Variants in NPAS3 observed in about 807,000 individuals in gnomAD.
The protein encoded by NPAS3 is neuronal PAS domain-containing protein 3.
NPAS3 carries 14 observed loss-of-function variants against 73.1 expected under a neutral mutation model. That is an observed-to-expected ratio of 0.19 (90% confidence interval 0.13 to 0.30). NPAS3 has a LOEUF of 0.30. Ranked by LOEUF, NPAS3 falls within the 10% of genes least tolerant of loss-of-function variation. NPAS3 has a pLI of 1.00. For missense variants in NPAS3, 1,096 were observed against 1,250.0 expected, an observed-to-expected ratio of 0.88 and a Z score of 1.86; for synonymous variants, 620 against 541.5, an observed-to-expected ratio of 1.14 and a Z score of -2.01.
intron 4 of NPAS3, among the ~76,000 whole-genome samples, chr14:33,462,116 T>C (rs569709431): frequency 6.6e-6 from 1 of 152,192 alleles, no homozygotes; most frequent in Non-Finnish European, 1.5e-5. Context: ...TACAGGAAGT[T>C]AGTCCACAAG....
intron 1 of NPAS3, among the ~76,000 whole-genome samples, chr14:32,976,247 C>T (rs2748829): frequency 0.14 from 21,431 of 152,034 alleles, 1,521 homozygotes; most frequent in East Asian, 0.16. Context: ...GTTAGGAAGA[C>T]GGCTCTCGCA....
At chr14:33,271,535 G>A (rs139110581) in intron 3 of NPAS3, among the ~76,000 whole-genome samples, 13 of 152,098 alleles carry the variant, frequency 8.5e-5, no homozygotes, top group Admixed American at 2.0e-4. Context: ...TATTGTTTTC[G>A]GAGCCCCAGG....
intron 7 of NPAS3, among the ~76,000 whole-genome samples, chr14:33,751,386 C>T (rs1156252560): frequency 6.6e-6 from 1 of 152,130 alleles, no homozygotes; most frequent in Admixed American, 6.6e-5. Flanking sequence ...ACTTTTTCCC[C>T]TTAATCTCAC....
chr14:33,087,598 T>G (rs116309825), intron 2 of NPAS3, among the ~76,000 whole-genome samples: 173 of 152,290 alleles, frequency 1.1e-3, no homozygotes, highest in African/African-American at 4.1e-3. Context: ...AAATGGTTTT[T>G]ACATAAGGCA....
At chr14:33,172,595 G>A (rs1595603993) in intron 2 of NPAS3, among the ~76,000 whole-genome samples, 1 of 152,050 alleles carries the variant, frequency 6.6e-6, no homozygotes, top group East Asian at 1.9e-4. Context: ...AATTAGCCGG[G>A]TGTGGTGGTC....
intron 1 of NPAS3, among the ~76,000 whole-genome samples, chr14:32,979,131 T>A (rs1251475620): frequency 6.6e-6 from 1 of 152,204 alleles, no homozygotes; most frequent in African/African-American, 2.4e-5. Context: ...GTTAAAGAGC[T>A]TAGTGCAGTA....
At chr14:33,237,760 C>T (rs563948314) in intron 3 of NPAS3, among the ~76,000 whole-genome samples, 32 of 151,716 alleles carry the variant, frequency 2.1e-4, no homozygotes, top group African/African-American at 7.7e-4. Context: ...GTTATTCACT[C>T]TATATTACAA....
chr14:33,424,169 A>C (rs1038739344), intron 4 of NPAS3, among the ~76,000 whole-genome samples: 3 of 152,002 alleles, frequency 2.0e-5, no homozygotes, highest in African/African-American at 7.2e-5. Flanking sequence ...AGAAAGTGAT[A>C]CTCAAGCTGA....
At chr14:33,534,321 C>T (rs148533295) in intron 4 of NPAS3, among the ~76,000 whole-genome samples, 1 of 151,994 alleles carries the variant, frequency 6.6e-6, no homozygotes, top group African/African-American at 2.4e-5. Context: ...GTGGTTAACA[C>T]TAACTCCAGA....
chr14:33,023,770 T>C (rs1281712213), intron 1 of NPAS3, among the ~76,000 whole-genome samples: 2 of 152,216 alleles, frequency 1.3e-5, no homozygotes, highest in Non-Finnish European at 2.9e-5. Context: ...TGTATTACAA[T>C]TGAGAGCCTA....
intron 4 of NPAS3, among the ~76,000 whole-genome samples, chr14:33,483,245 C>G (rs2051416599): frequency 6.6e-6 from 1 of 152,140 alleles, no homozygotes; most frequent in South Asian, 2.1e-4. Context: ...TTGAGTGGCT[C>G]AGCTCTGTGT....
upstream of NPAS3, chr14:32,934,833 C>G: frequency 4.4e-6 from 2 of 450,524 alleles, no homozygotes; most frequent in Non-Finnish European, 5.9e-6. This position sits in a 1 kb window ranked among gnomAD's most constrained non-coding sequence, Gnocchi z 4.1. Flanking sequence ...GCCCGGGGGC[C>G]GAAGCCGCGG....
At chr14:33,151,119 T>G (rs2044427921) in intron 2 of NPAS3, among the ~76,000 whole-genome samples, 1 of 152,246 alleles carries the variant, frequency 6.6e-6, no homozygotes, top group South Asian at 2.1e-4. Context: ...TAACTATTTC[T>G]TTGCAGTCAA....
At chr14:33,678,749 T>C (rs1281740885) in intron 6 of NPAS3, among the ~76,000 whole-genome samples, 1 of 67,650 alleles carries the variant, frequency 1.5e-5, no homozygotes, top group African/African-American at 9.0e-5. Flanking sequence ...AGTGAGACTT[T>C]GGGAGAAAAA....
intron 2 of NPAS3, among the ~76,000 whole-genome samples, chr14:33,115,144 G>A (rs2043019117): frequency 1.3e-5 from 2 of 152,154 alleles, no homozygotes; most frequent in South Asian, 4.1e-4. Context: ...GCATAGTAAG[G>A]AAAAGGTTAA....
intron 5 of NPAS3, among the ~76,000 whole-genome samples, chr14:33,619,837 G>A (rs2058029728): frequency 6.6e-6 from 1 of 152,156 alleles, no homozygotes; most frequent in South Asian, 2.1e-4. Flanking sequence ...GTCTTGTTGA[G>A]GCAAAGCTGT....
chr14:33,243,809 AG>A (rs2048289517), intron 3 of NPAS3, among the ~76,000 whole-genome samples: 1 of 152,126 alleles, frequency 6.6e-6, no homozygotes, highest in East Asian at 1.9e-4. Flanking sequence ...AGGATGAGTA[AG>A]AGCTTCCCAG....
At chr14:33,407,670 C>T (rs17578192) in intron 4 of NPAS3, among the ~76,000 whole-genome samples, 1,923 of 152,138 alleles carry the variant, frequency 0.013, 19 homozygotes, top group Middle Eastern at 0.031. Flanking sequence ...ATTTCGGTGC[C>T]TTTATTTTTC....
At chr14:32,980,066 C>T (rs749369859) in intron 1 of NPAS3, among the ~76,000 whole-genome samples, 3 of 152,294 alleles carry the variant, frequency 2.0e-5, no homozygotes, top group Non-Finnish European at 4.4e-5. Flanking sequence ...TGATTTTGAA[C>T]ATATCACATA....
Sources: gnomAD v4.1 joint callset for allele counts (sites outside exome capture counted in the v4.1 genomes callset) on GRCh38, gnomAD v4.1.1 for gene constraint, Gnocchi (gnomAD v3.1) non-coding constraint, MANE v1.5 for transcripts, NCBI Gene and HGNC (gene_info 2026-07-23, HGNC 2026-07-21) for gene names.